CEP57: variants seen among roughly 807,000 people sequenced by gnomAD.
CEP57 encodes centrosomal protein 57.
Under a neutral mutation model 68.0 loss-of-function variants are expected in CEP57, and 40 were observed. That is an observed-to-expected ratio of 0.59 (90% CI 0.46 to 0.77). CEP57 has a LOEUF of 0.77. CEP57 is among the 30% of genes least tolerant of loss of function. CEP57 has a pLI of 0.00. For synonymous variants in CEP57, 219 were observed against 198.7 expected, an observed-to-expected ratio of 1.10 and a Z score of -0.86; for missense variants, 606 against 580.7, an observed-to-expected ratio of 1.04 and a Z score of -0.45.
In CEP57 at chr11:95,805,707, A is replaced by G. The variant is rs542425623; in HGVS notation, c.202+6319A>G. Among the ~76,000 whole-genome samples the G allele has an allele frequency of 2.6e-5, 4 of 152,310 alleles. No homozygotes were observed. The South Asian group carries it at 8.3e-4, about 32-fold the overall frequency. ...ATAATATAGGTGACTGTTAGAATCAATGTTTATGAAATTTTAGTAATTGAA... is the reference window on the plus strand; with the variant it reads ...ATAATATAGGTGACTGTTAGAATCAGTGTTTATGAAATTTTAGTAATTGAA... On this transcript the variant is annotated intron_variant, in intron 2 of 10. Coordinates refer to ENST00000325542, the MANE Select transcript of CEP57 (RefSeq NM_014679.5).
chr11:95,801,007 AAG>A (rs746209500), intron 2 of CEP57, among the ~76,000 whole-genome samples: 13 of 152,190 alleles, frequency 8.5e-5, no homozygotes, highest in Non-Finnish European at 1.3e-4. Context: ...CTCTAGGTAA[AAG>A]AAATATTTTT....
At position 95,817,914 on chromosome 11, in the gene CEP57, G is replaced by A; in HGVS notation, c.621+11G>A. On this transcript the variant is annotated intron_variant, in intron 5 of 10. Transcript: ENST00000325542. ...CAGGCCCTTGCAGAAGTCAGTGCAT[G>A]TGTCTTTTTATTGTTAACATATATC... The A allele has an allele frequency of 6.6e-7, 1 of 1,520,454 alleles. No homozygotes were observed. The highest frequency in any genetic ancestry group is 1.1e-5 in the South Asian group (1 of 89,158). The allele number at this position is 1,520,454 out of a possible 1,614,324, so 94.2% of individuals were successfully genotyped here.
rs1195670287 is a variant in CEP57 at position 95,832,133 on chromosome 11, A to T, written c.*877A>T. ...AGTATGAGTGGAATATAAACTGTAC[A>T]CATAATTATCATGTTGATATAAATC... On this transcript the variant is annotated 3_prime_UTR_variant, in exon 11 of 11. Coordinates refer to ENST00000325542, the MANE Select transcript of CEP57 (RefSeq NM_014679.5). 1.3e-5 allele frequency: 2 copies of T among 152,172 alleles called. No homozygotes were observed. The highest frequency in any genetic ancestry group is 2.9e-5 in the Non-Finnish European group (2 of 68,006). 9.4% of individuals were successfully genotyped at this position (152,172 alleles called of 1,614,324 possible). A position where few individuals can be genotyped will look rare whatever the true frequency, so the allele number is the denominator to read the frequency against.
At chr11:95,803,133 T>C (rs932923640) in intron 2 of CEP57, among the ~76,000 whole-genome samples, 1 of 152,088 alleles carries the variant, frequency 6.6e-6, no homozygotes, top group Non-Finnish European at 1.5e-5. Flanking sequence ...GCATATTTTG[T>C]TGTGGGGAAT....
chr11:95,822,591 C>G lies in CEP57; in HGVS notation c.885+15C>G. The G allele has an allele frequency of 6.3e-7, 1 of 1,599,812 alleles. No homozygotes were observed. Among genetic ancestry groups the G allele is most frequent in the Admixed American group, 1.7e-5 (1 of 59,982 alleles). On this transcript the variant is annotated intron_variant, in intron 8 of 10. Coordinates refer to ENST00000325542, the MANE Select transcript of CEP57 (RefSeq NM_014679.5). ...TAGCTGGGAAGGTGAGTTGGTCAAACTCCGGATTCTTTTTATACAACATTG... is the reference window on the plus strand; with the variant it reads ...TAGCTGGGAAGGTGAGTTGGTCAAAGTCCGGATTCTTTTTATACAACATTG...
chr11:95,813,020 G>A lies in CEP57; in HGVS notation c.291G>A (p.Leu97=), dbSNP rs1301588691. 7.4e-6 allele frequency: 12 copies of A among 1,613,958 alleles called. No homozygotes were observed. Among genetic ancestry groups the A allele is most frequent in the Non-Finnish European group, 1.0e-5 (12 of 1,179,936 alleles). ...AGGCAGAAGAAAGTGTGAAAACCTT[G>A]TCTAGAGAAACAATTGAATATAAGA... ...RIQAEESVKT[L]SRETIEYKKV... The change falls in exon 3 of 11, where the codon TTG becomes TTA. Residue 97 remains leucine (L), a synonymous_variant. Coordinates refer to ENST00000325542, the MANE Select transcript of CEP57 (RefSeq NM_014679.5).
intron 2 of CEP57, among the ~76,000 whole-genome samples, chr11:95,806,029 T>C (rs922584045): frequency 1.3e-5 from 2 of 152,114 alleles, no homozygotes; most frequent in African/African-American, 4.8e-5. Flanking sequence ...GAAAACATGA[T>C]GGGAGGAAAC....
rs751973626 is a variant in CEP57 at position 95,813,102 on chromosome 11, C to T, written c.373C>T (p.His125Tyr). Residue 125 changes from histidine to tyrosine, a missense_variant, in exon 3 of 11, where the codon CAC (histidine) becomes TAC (tyrosine). By Grantham distance (83) the His-to-Tyr change is moderately conservative. Coordinates refer to ENST00000325542, the MANE Select transcript of CEP57 (RefSeq NM_014679.5). ...RENSKNEESK[H>Y]NQELTSQLLA... ...GAATTCAAAGAATGAGGAATCAAAG[C>T]ACAATCAAGGTTTGTTGATGAAGAA... 66 of 1,612,272 alleles carry T rather than the reference C, an allele frequency of 4.1e-5. No individual in the cohort carries two copies. In the East Asian group the frequency reaches 1.4e-3, roughly 35 times the overall value.
chr11:95,819,721 C>G (rs1862443428), intron 6 of CEP57, among the ~76,000 whole-genome samples: 1 of 152,158 alleles, frequency 6.6e-6, no homozygotes, highest in African/African-American at 2.4e-5. Flanking sequence ...CTCTGCAGTT[C>G]AATCTGTGAC....
intron 1 of CEP57, 99 bp downstream of exon 1, chr11:95,790,842 A>G (rs1861005812): frequency 1.4e-6 from 2 of 1,401,502 alleles, no homozygotes; most frequent in East Asian, 2.4e-5. Flanking sequence ...TTCTGACGCA[A>G]TTCTGGAGGT....
At chr11:95,812,847 T>G in intron 2 of CEP57, 85 bp from the exon 3 acceptor site, 1 of 1,240,782 alleles carries the variant, frequency 8.1e-7, no homozygotes, top group South Asian at 1.2e-5. Flanking sequence ...AATTTTATTT[T>G]TTATTTAGAT....
At chr11:95,825,172 A>G (rs1184987204) in intron 8 of CEP57, among the ~76,000 whole-genome samples, 2 of 152,202 alleles carry the variant, frequency 1.3e-5, no homozygotes. Flanking sequence ...AATGCTGTGG[A>G]AGAGAACTTC....
intron 8 of CEP57, 125 bp downstream of exon 8, chr11:95,822,701 C>CCTTTACCAGTGTGTGGATCAA: frequency 9.2e-6 from 4 of 435,798 alleles, no homozygotes; most frequent in South Asian, 2.0e-5. Flanking sequence ...GTGTGGATCA[C>CCTTTACCAGTGTGTGGATCAA]AGTGATGTGA....
chr11:95,792,220 A>G (rs1861115638), intron 1 of CEP57, among the ~76,000 whole-genome samples: 2 of 152,172 alleles, frequency 1.3e-5, no homozygotes, highest in African/African-American at 4.8e-5. Flanking sequence ...AAACTATTGG[A>G]AGTGTCAGCA....
In CEP57 at chr11:95,822,838, T is replaced by G. The variant is rs1862571678; in HGVS notation, c.885+262T>G. On this transcript the variant is annotated intron_variant, in intron 8 of 10. Transcript: ENST00000325542. ...CAGAGACCCTAAGTTGAAGAAGGTG[T>G]TGTTTCAGATAGGGGTCAAGGAAAT... The G allele has an allele frequency of 6.4e-6, 3 of 465,634 alleles. No individual in the cohort carries two copies. The South Asian group carries it at 6.9e-5, about 11-fold the overall frequency. 28.8% of individuals were successfully genotyped at this position (465,634 alleles called of 1,614,324 possible).
intron 2 of CEP57, 125 bp downstream of exon 2, chr11:95,799,513 C>T (rs1230753932): frequency 8.7e-7 from 1 of 1,151,508 alleles, no homozygotes; most frequent in African/African-American, 1.5e-5. Flanking sequence ...AGTTTCAGCC[C>T]CCAGAAAATA....
At chr11:95,829,444 T>A (rs934966927) in intron 10 of CEP57, 113 bp downstream of exon 10, 8 of 1,078,490 alleles carry the variant, frequency 7.4e-6, no homozygotes, top group African/African-American at 1.6e-5. Context: ...CTACAGGAGA[T>A]ACTTCTTTAC....
chr11:95,825,153 AG>A (rs1862685751), intron 8 of CEP57, among the ~76,000 whole-genome samples: 1 of 152,202 alleles, frequency 6.6e-6, no homozygotes, highest in African/African-American at 2.4e-5. Context: ...CACTATAAAA[AG>A]GGTTCTTAAT....
At chr11:95,828,281 T>A (rs916572527) in intron 9 of CEP57, among the ~76,000 whole-genome samples, 1 of 152,256 alleles carries the variant, frequency 6.6e-6, no homozygotes, top group Non-Finnish European at 1.5e-5. Context: ...ACTTATGATA[T>A]ACAGTCATGC....
Sources: allele counts gnomAD v4.1 joint callset (sites outside exome capture counted in the v4.1 genomes callset), GRCh38; gene constraint gnomAD v4.1.1; transcripts MANE v1.5; gene names NCBI Gene and HGNC (gene_info 2026-07-23, HGNC 2026-07-21).